Variants in PDGFRB observed in about 807,000 individuals in gnomAD.
PDGFRB encodes the protein platelet derived growth factor receptor beta, also known as platelet-derived growth factor receptor beta.
PDGFRB carries 42 observed loss-of-function variants against 120.2 expected under a neutral mutation model. The ratio of observed to expected loss-of-function variants is 0.35; its 90% CI spans 0.27 to 0.45. The LOEUF (loss-of-function observed/expected upper bound fraction) is 0.45, where lower values mean the gene tolerates loss of function less well. Among genes scored for constraint, PDGFRB ranks in the 20% least tolerant of loss-of-function variants. The probability of loss-of-function intolerance (pLI) is 1.00; values close to 1 mark genes in which losing one functional copy is unlikely to be tolerated. For synonymous variants in PDGFRB, 586 were observed against 606.8 expected, an observed-to-expected ratio of 0.97 and a Z score of 0.50; for missense variants, 1,149 against 1,476.3, an observed-to-expected ratio of 0.78 and a Z score of 3.63.
intron 10 of PDGFRB, among the ~76,000 whole-genome samples, chr5:150,126,963 C>T (rs1212846404): frequency 6.6e-6 from 1 of 152,224 alleles, no homozygotes. Context: ...AGCCCTGGAG[C>T]CCCTGAGGGC....
At chr5:150,128,557 G>A (rs541218783) in intron 10 of PDGFRB, among the ~76,000 whole-genome samples, 2 of 152,106 alleles carry the variant, frequency 1.3e-5, no homozygotes, top group East Asian at 1.9e-4. Context: ...CCACACACTC[G>A]ATCCTCCAGC....
At chr5:150,122,374 A>C in intron 15 of PDGFRB, 1 of 281,842 alleles carries the variant, frequency 3.5e-6, no homozygotes, top group Admixed American at 4.8e-5. Context: ...CCTGACTGCA[A>C]CCCAGCATAG....
rs141245163 is a variant in PDGFRB at position 150,133,740 on chromosome 5, C to T, written c.780G>A (p.Pro260=). 4.0e-5 allele frequency: 64 copies of T among 1,614,090 alleles called. No individual in the cohort carries two copies. Among genetic ancestry groups the T allele is most frequent in the African/African-American group, 3.5e-4 (26 of 75,028 alleles). The part of the protein sequence containing the change: ...PRKESGRLVE[P]VTDFLLDMPY... ...GCATATCCAAGAGGAAGTCAGTCAC[C>T]GGCTCCACCAGCCGCCCACTCTGCA... Residue 260 remains proline (P), a synonymous_variant, in exon 6 of 23, where the codon CCG becomes CCA. Coordinates refer to ENST00000261799, the MANE Select transcript of PDGFRB (RefSeq NM_002609.4).
intron 15 of PDGFRB, chr5:150,122,330 G>C (rs535367022): frequency 8.4e-6 from 3 of 357,272 alleles, no homozygotes; most frequent in African/African-American, 6.2e-5. Context: ...GCGCCTTCCT[G>C]TGGCCTCCCC....
Position 150,114,007 on chromosome 5 carries a change from T to C in PDGFRB, c.*1756A>G, listed in dbSNP as rs1759841004. The C allele has an allele frequency of 4.3e-6, 1 of 233,448 alleles. No homozygotes were observed. The highest frequency in any genetic ancestry group is 5.6e-5 in the Admixed American group (1 of 17,784). The allele number at this position is 233,448 out of a possible 1,614,324, so 14.5% of individuals were successfully genotyped here. A position where few individuals can be genotyped will look rare whatever the true frequency, so the allele number is the denominator to read the frequency against. Reference sequence around the variant, plus strand: ...AGGTGATTATATCTTTGGTACCGTATTGAGAACCCACTCTCCCTCCTTGGA... The same window carrying C: ...AGGTGATTATATCTTTGGTACCGTACTGAGAACCCACTCTCCCTCCTTGGA... On this transcript the variant is annotated 3_prime_UTR_variant, in exon 23 of 23. Coordinates refer to ENST00000261799, the MANE Select transcript of PDGFRB (RefSeq NM_002609.4).
rs751904503 is a variant in PDGFRB, at chr5:150,121,898, C to T, written c.2326G>A (p.Asp776Asn). The change falls in exon 16 of 23, where the codon GAT (aspartate) becomes AAT (asparagine). Residue 776 changes from aspartate to asparagine, a missense_variant. Physicochemically the swap from Asp to Asn is conservative, Grantham distance 23. Around this residue, in one of 3 missense-constraint regions of PDGFRB, gnomAD observed 879 missense variants for 1,108.6 expected, o/e 0.79. Coordinates refer to ENST00000261799, the MANE Select transcript of PDGFRB (RefSeq NM_002609.4). The surrounding 1 kb of genome is among the most constrained non-coding windows in gnomAD (Gnocchi z 4.1). ...IESSNYMAPY[D>N]NYVPSAPERT... ...CACCCACCAGAGGGAACGTAGTTAT[C>T]GTAAGGGGCCATGTAGTTGGAGGAC... 2.2e-5 allele frequency: 36 copies of T among 1,613,214 alleles called. No individual in the cohort carries two copies. The highest frequency in any genetic ancestry group is 2.7e-5 in the African/African-American group (2 of 74,904).
chr5:150,134,289 C>T (rs929445248), intron 4 of PDGFRB, among the ~76,000 whole-genome samples: 2 of 152,186 alleles, frequency 1.3e-5, no homozygotes, highest in Non-Finnish European at 2.9e-5. Flanking sequence ...GATCTATGTA[C>T]AGGAGAAATG....
At position 150,125,368 on chromosome 5, in the gene PDGFRB, G is replaced by A. The variant is rs1018583958; in HGVS notation, c.1807+77C>T. On this transcript the variant is annotated intron_variant, in intron 12 of 22. Coordinates refer to ENST00000261799, the MANE Select transcript of PDGFRB (RefSeq NM_002609.4). The stretch of plus-strand genomic sequence containing the variant: ...AGGTCTCATAGCTAGTCATGGCAAG[G>A]CTGGGACCAGACCTCAGAGAGTCTT... The A allele has an allele frequency of 6.7e-6, 9 of 1,345,650 alleles. 1 individual carries two copies. The East Asian group carries it at 2.2e-4, about 33-fold the overall frequency. 83.4% of individuals were successfully genotyped at this position (1,345,650 alleles called of 1,614,324 possible). A position where few individuals can be genotyped will look rare whatever the true frequency, so the allele number is the denominator to read the frequency against.
Position 150,132,831 on chromosome 5 carries a change from A to G in PDGFRB, c.1046T>C (p.Leu349Pro). Residue 349 changes from leucine (L) to proline (P), a missense_variant, in exon 7 of 23, where the codon CTG becomes CCG. By Grantham distance (98) the Leu-to-Pro change is moderately conservative. Transcript: ENST00000261799. This position sits in a 1 kb window ranked among gnomAD's most constrained non-coding sequence, Gnocchi z 5.0. ...CAGGGTGCGGTTGTCTTTGAACCAC[A>G]GGACAGTGGGCGGTGGGTAGGCCTC... The part of the protein sequence containing the change: ...VFEAYPPPTV[L>P]WFKDNRTLGD... 1 of 1,611,854 alleles carries G rather than the reference A, an allele frequency of 6.2e-7. No homozygotes were observed. Among genetic ancestry groups the G allele is most frequent in the Non-Finnish European group, 8.5e-7 (1 of 1,179,222 alleles).
intron 1 of PDGFRB, among the ~76,000 whole-genome samples, chr5:150,138,259 C>A (rs1336496090): frequency 6.6e-6 from 1 of 152,198 alleles, no homozygotes; most frequent in Non-Finnish European, 1.5e-5. Flanking sequence ...CCCAGCCTGG[C>A]CTGCCTCTGA....
intron 1 of PDGFRB, among the ~76,000 whole-genome samples, chr5:150,143,477 A>G (rs572488960): frequency 5.1e-4 from 78 of 152,270 alleles, no homozygotes; most frequent in African/African-American, 1.8e-3. Flanking sequence ...GGAGGGACCC[A>G]TGTCATGACT....
At chr5:150,145,475 G>C (rs890720743) in intron 1 of PDGFRB, among the ~76,000 whole-genome samples, 3 of 152,194 alleles carry the variant, frequency 2.0e-5, no homozygotes, top group Non-Finnish European at 4.4e-5. Flanking sequence ...TTATATGAAT[G>C]ATCTCACCAA....
chr5:150,124,588 G>T, intron 13 of PDGFRB, 139 bp downstream of exon 13: 1 of 622,876 alleles, frequency 1.6e-6, no homozygotes, highest in Non-Finnish European at 2.9e-6. Context: ...CCCAGACTCG[G>T]GAGCAGTGCC....
intron 21 of PDGFRB, among the ~76,000 whole-genome samples, 183 bp from the exon 22 acceptor site, chr5:150,118,033 G>C (rs776445500): frequency 1.3e-5 from 2 of 152,110 alleles, no homozygotes; most frequent in Non-Finnish European, 2.9e-5. Flanking sequence ...ATCTTACAAG[G>C]CATGGTGAGC....
chr5:150,128,439 C>G (rs1441837892), intron 10 of PDGFRB, among the ~76,000 whole-genome samples: 1 of 152,246 alleles, frequency 6.6e-6, no homozygotes, highest in Non-Finnish European at 1.5e-5. Flanking sequence ...ACCAAGATGC[C>G]TCACATGGCC....
rs1405012360 is a variant in PDGFRB, at chr5:150,118,860, T to C, written c.2799-8A>G. ...TTCTGCATGATCTCATAGCTGGGGA[T>C]AGGGAGAAGGGTCAGGGCCTCTGGC... On this transcript the variant is annotated splice_polypyrimidine_tract_variant and splice_region_variant and intron_variant, in intron 20 of 22. Coordinates refer to ENST00000261799, the MANE Select transcript of PDGFRB (RefSeq NM_002609.4). 2.5e-6 allele frequency: 4 copies of C among 1,580,222 alleles called. No homozygotes were observed. The highest frequency in any genetic ancestry group is 1.3e-5 in the African/African-American group (1 of 74,206).
Position 150,115,859 on chromosome 5 carries a change from C to A in PDGFRB, c.3225G>T (p.Gln1075His). 6.2e-7 allele frequency: 1 copy of A among 1,612,310 alleles called. No individual in the cohort carries two copies. Among genetic ancestry groups the A allele is most frequent in the South Asian group, 1.1e-5 (1 of 90,720 alleles). ...GCTCCGGCTCCACCTGGAGCTCAAG[C>A]TGGGGCTCTGGCTCTGGTTCGTCCT... Reference protein sequence around the residue: ...EPQDEPEPEPQLELQVEPEPE... With the variant: ...EPQDEPEPEPHLELQVEPEPE... The change falls in exon 23 of 23, where the codon CAG becomes CAT. Residue 1075 changes from glutamine (Q) to histidine (H), a missense_variant. Physicochemically the swap from Gln to His is conservative, Grantham distance 24. Around this residue, in one of 3 missense-constraint regions of PDGFRB, gnomAD observed 202 missense variants for 214.3 expected, o/e 0.94. Coordinates refer to ENST00000261799, the MANE Select transcript of PDGFRB (RefSeq NM_002609.4).
chr5:150,142,410 A>C (rs1375426339), intron 1 of PDGFRB, among the ~76,000 whole-genome samples: 2 of 152,234 alleles, frequency 1.3e-5, no homozygotes, highest in Non-Finnish European at 2.9e-5. Context: ...GCACGAGCCC[A>C]GCCAGGCAGG....
At chr5:150,145,778 GT>G (rs1760905549) in intron 1 of PDGFRB, among the ~76,000 whole-genome samples, 1 of 152,194 alleles carries the variant, frequency 6.6e-6, no homozygotes, top group African/African-American at 2.4e-5. Flanking sequence ...GAGGGAGCCT[GT>G]AATCCCAGCT....
Sources: gnomAD v4.1 joint callset for allele counts (sites outside exome capture counted in the v4.1 genomes callset) on GRCh38, gnomAD v4.1.1 for gene constraint, gnomAD v4.1.1 regional missense constraint, Gnocchi (gnomAD v3.1) non-coding constraint, MANE v1.5 for transcripts, NCBI Gene and HGNC (gene_info 2026-07-23, HGNC 2026-07-21) for gene names.